Variants in BTC observed in about 807,000 individuals in gnomAD.
BTC encodes betacellulin, also known as probetacellulin.
Under a neutral mutation model 18.1 loss-of-function variants are expected in BTC, and 13 were observed. That is an observed-to-expected ratio of 0.72 (90% CI 0.47 to 1.14). The LOEUF is 1.14. BTC is among the 50% of genes most tolerant of loss of function. The pLI is 0.00. For missense variants in BTC, 247 were observed against 224.2 expected (o/e 1.10, Z -0.65); for synonymous variants, 83 against 79.4 (o/e 1.05, Z -0.24).
intron 1 of BTC, among the ~76,000 whole-genome samples, chr4:74,784,299 T>C (rs1318914861): frequency 1.3e-5 from 2 of 151,934 alleles, no homozygotes; most frequent in African/African-American, 2.4e-5. Flanking sequence ...AACCTGAGCC[T>C]GCTGAAGTTG....
At chr4:74,760,133 C>T (rs544263686) in intron 2 of BTC, among the ~76,000 whole-genome samples, 2 of 152,314 alleles carry the variant, frequency 1.3e-5, no homozygotes, top group African/African-American at 4.8e-5. Context: ...CTGAAGTCAA[C>T]TCAAAGGGCA....
chr4:74,787,222 C>T (rs1339891885), intron 1 of BTC, among the ~76,000 whole-genome samples: 2 of 152,130 alleles, frequency 1.3e-5, no homozygotes, highest in Non-Finnish European at 2.9e-5. Context: ...AACAAGGAGG[C>T]TGAATATGAA....
Position 74,755,922 on chromosome 4 carries a change from T to C in BTC, c.218A>G (p.Tyr73Cys), listed in dbSNP as rs782781797. Residue 73 changes from tyrosine (Y) to cysteine (C), a missense_variant, in exon 3 of 6, where the codon TAC becomes TGC. Transcript: ENST00000395743. The part of the protein sequence containing the change: ...KGHFSRCPKQ[Y>C]KHYCIKGRCR... Reference sequence around the variant, plus strand: ...TCTCCCTTTGATGCAGTAATGCTTGTATTGCTTGGGGCACCTAGAGAAGTG... The same window carrying C: ...TCTCCCTTTGATGCAGTAATGCTTGCATTGCTTGGGGCACCTAGAGAAGTG... 5 of 1,614,182 alleles carry C rather than the reference T, an allele frequency of 3.1e-6. No individual in the cohort carries two copies. The Admixed American group carries it at 8.3e-5, about 27-fold the overall frequency.
intron 1 of BTC, among the ~76,000 whole-genome samples, chr4:74,770,915 ATGTG>A (rs61202126): frequency 0.01 from 1,488 of 141,932 alleles, 24 homozygotes; most frequent in African/African-American, 0.029. Context: ...TATATCGTGT[ATGTG>A]TGTGTGTGTG....
chr4:74,752,964 G>T (rs1158083691), intron 3 of BTC, among the ~76,000 whole-genome samples: 1 of 152,154 alleles, frequency 6.6e-6, no homozygotes, highest in Non-Finnish European at 1.5e-5. Flanking sequence ...GTACCCCAGT[G>T]AATCCATGCT....
intron 1 of BTC, among the ~76,000 whole-genome samples, chr4:74,791,967 T>TCA (rs1491346535): frequency 2.7e-5 from 3 of 110,048 alleles, no homozygotes; most frequent in Admixed American, 2.0e-4. Flanking sequence ...ATTTCCACCA[T>TCA]CTCACACACA....
At chr4:74,764,889 G>C (rs1198358045) in intron 2 of BTC, among the ~76,000 whole-genome samples, 3 of 152,120 alleles carry the variant, frequency 2.0e-5, no homozygotes, top group African/African-American at 4.8e-5. Context: ...GGCTGGGGAG[G>C]CCTCACAATC....
chr4:74,774,830 C>CT (rs1014604631), intron 1 of BTC, among the ~76,000 whole-genome samples: 48 of 149,176 alleles, frequency 3.2e-4, no homozygotes, highest in East Asian at 5.9e-4. Context: ...ACATAATCAT[C>CT]TTTTTTTTTT....
At chr4:74,791,265 C>T (rs553126397) in intron 1 of BTC, among the ~76,000 whole-genome samples, 1 of 152,114 alleles carries the variant, frequency 6.6e-6, no homozygotes, top group Non-Finnish European at 1.5e-5. Context: ...TCACTTGAGC[C>T]CTGGAGGCGG....
intron 3 of BTC, among the ~76,000 whole-genome samples, chr4:74,755,374 C>CT (rs1489822997): frequency 1.3e-5 from 2 of 152,144 alleles, no homozygotes; most frequent in African/African-American, 2.4e-5. Flanking sequence ...GAAAAGAAAA[C>CT]TTTTCTCCCA....
chr4:74,748,257 T>C (rs988020013), intron 4 of BTC, 108 bp from the exon 5 acceptor site: 2 of 663,302 alleles, frequency 3.0e-6, no homozygotes, highest in African/African-American at 1.9e-5. Flanking sequence ...AAAAAATATT[T>C]AGGGTTCTAG....
rs782113015 is a variant in BTC, at chr4:74,750,603, A to G, written c.398T>C (p.Ile133Thr). The G allele has an allele frequency of 2.3e-5, 37 of 1,613,608 alleles. No homozygotes were observed. Among genetic ancestry groups the G allele is most frequent in the Non-Finnish European group, 3.1e-5 (37 of 1,179,878 alleles). ...GCATGTGCAGACACCGATGACCAAA[A>G]TAATAAAAACTACCATAACTGCTAT... ...CLIAVMVVFI[I>T]LVIGVCTCCH... The change falls in exon 4 of 6, where the codon ATT becomes ACT. Residue 133 changes from isoleucine (I) to threonine (T), a missense_variant. Coordinates refer to ENST00000395743, the MANE Select transcript of BTC (RefSeq NM_001729.4).
At chr4:74,781,481 T>C (rs1460798899) in intron 1 of BTC, among the ~76,000 whole-genome samples, 1 of 151,838 alleles carries the variant, frequency 6.6e-6, no homozygotes, top group African/African-American at 2.4e-5. Context: ...TCCTCATAGC[T>C]CACTCAAGCG....
chr4:74,759,137 T>G (rs1236077393), intron 2 of BTC, among the ~76,000 whole-genome samples: 1 of 152,164 alleles, frequency 6.6e-6, no homozygotes, highest in Non-Finnish European at 1.5e-5. Flanking sequence ...CAGCGTTTTC[T>G]GCCCATCATG....
In BTC at chr4:74,750,662, T is replaced by C. The variant is rs1374757789; in HGVS notation, c.339A>G (p.Arg113=). The C allele has an allele frequency of 9.3e-6, 15 of 1,613,912 alleles. No homozygotes were observed. The highest frequency in any genetic ancestry group is 1.3e-5 in the Non-Finnish European group (15 of 1,179,962). Residue 113 remains arginine (R), a synonymous_variant, in exon 4 of 6, where the codon AGA becomes AGG. Coordinates refer to ENST00000395743, the MANE Select transcript of BTC (RefSeq NM_001729.4). ...TCACCAGAATCTGTCCTCTGTCTCC[T>C]CTTAGGTAAAACAAGTCAACTCTCT... is the stretch of plus-strand genomic sequence containing the variant. ...RCERVDLFYL[R]GDRGQILVIC...
intron 2 of BTC, among the ~76,000 whole-genome samples, chr4:74,764,411 A>G (rs1161985346): frequency 6.6e-6 from 1 of 152,108 alleles, no homozygotes; most frequent in Non-Finnish European, 1.5e-5. Context: ...CCAAAATGAA[A>G]ATTTTGGTGC....
intron 2 of BTC, among the ~76,000 whole-genome samples, chr4:74,768,412 A>G (rs1026433932): frequency 1.3e-5 from 2 of 152,200 alleles, no homozygotes; most frequent in African/African-American, 4.8e-5. Flanking sequence ...TCCATAGAAT[A>G]TTATTCAGCC....
rs782680194 is a variant in BTC at position 74,745,683 on chromosome 4, A to G, written c.*994T>C. 4 of 152,188 alleles carry G rather than the reference A, an allele frequency of 2.6e-5. No homozygotes were observed. The highest frequency in any genetic ancestry group is 4.4e-5 in the Non-Finnish European group (3 of 68,022). 9.4% of individuals were successfully genotyped at this position (152,188 alleles called of 1,614,324 possible). A position where few individuals can be genotyped will look rare whatever the true frequency, so the allele number is the denominator to read the frequency against. On this transcript the variant is annotated 3_prime_UTR_variant, in exon 6 of 6. Coordinates refer to ENST00000395743, the MANE Select transcript of BTC (RefSeq NM_001729.4). ...CAAGAACATAAATGAGGATATGGTC[A>G]CAACCGGTCCCTACCTGGTCTCTCC...
intron 1 of BTC, among the ~76,000 whole-genome samples, chr4:74,775,683 A>C (rs1577963890): frequency 1.3e-5 from 2 of 152,040 alleles, no homozygotes; most frequent in African/African-American, 4.8e-5. Context: ...AAAATTAAAC[A>C]CCTACTTCTA....
Sources: allele counts gnomAD v4.1 joint callset (sites outside exome capture counted in the v4.1 genomes callset), GRCh38; gene constraint gnomAD v4.1.1; transcripts MANE v1.5; gene names NCBI Gene and HGNC (gene_info 2026-07-23, HGNC 2026-07-21).